TTC21B: variants seen among roughly 807,000 people sequenced by gnomAD.
TTC21B encodes tetratricopeptide repeat protein 21B.
Under a neutral mutation model 175.1 loss-of-function variants are expected in TTC21B, and 127 were observed. That is an observed-to-expected ratio of 0.73 (90% CI 0.63 to 0.84). TTC21B has a LOEUF of 0.84. TTC21B is among the 40% of genes least tolerant of loss of function. The pLI is 0.00. For missense variants in TTC21B, 1,561 were observed against 1,558.3 expected, an observed-to-expected ratio of 1.00 and a Z score of -0.03; for synonymous variants, 524 against 524.5, an observed-to-expected ratio of 1.00 and a Z score of 0.01.
intron 6 of TTC21B, among the ~76,000 whole-genome samples, chr2:165,934,320 G>T (rs1027292509): frequency 1.3e-5 from 2 of 151,490 alleles, no homozygotes; most frequent in South Asian, 4.2e-4. Context: ...AGAGAAACAC[G>T]GAGAACTCCG....
chr2:165,878,434 T>C (rs931886880), intron 27 of TTC21B, among the ~76,000 whole-genome samples: 4 of 152,146 alleles, frequency 2.6e-5, no homozygotes, highest in Admixed American at 1.3e-4. Context: ...GAAACATGAG[T>C]AGTTTCTTCT....
At chr2:165,917,007 G>A (rs1686198931) in intron 14 of TTC21B, among the ~76,000 whole-genome samples, 2 of 152,052 alleles carry the variant, frequency 1.3e-5, no homozygotes, top group Admixed American at 6.5e-5. Flanking sequence ...CTCCCGAGCA[G>A]CTGGAACTAC....
intron 4 of TTC21B, among the ~76,000 whole-genome samples, chr2:165,945,265 A>C (rs1008802530): frequency 6.8e-5 from 10 of 146,796 alleles, no homozygotes; most frequent in Non-Finnish European, 1.3e-4. Context: ...GTAGAGAAAA[A>C]GAAAGAGAAA....
intron 1 of TTC21B, among the ~76,000 whole-genome samples, chr2:165,950,350 T>C (rs1687723235): frequency 6.6e-6 from 1 of 152,234 alleles, no homozygotes; most frequent in Non-Finnish European, 1.5e-5. Flanking sequence ...ACAAAACTAC[T>C]ATCAGGACCT....
At chr2:165,931,992 A>C (rs1229801715) in intron 7 of TTC21B, 136 bp from the exon 8 acceptor site, 2 of 666,094 alleles carry the variant, frequency 3.0e-6, no homozygotes, top group African/African-American at 3.6e-5. Context: ...CTCCTCCTTC[A>C]ATGGATGATT....
chr2:165,877,719 ATATATG>A (rs1408495519), intron 27 of TTC21B, among the ~76,000 whole-genome samples: 2 of 152,148 alleles, frequency 1.3e-5, no homozygotes, highest in African/African-American at 4.8e-5. Flanking sequence ...GTGTGTGTAT[ATATATG>A]TATGTCTATA....
intron 8 of TTC21B, among the ~76,000 whole-genome samples, chr2:165,930,841 T>C (rs1686880637): frequency 6.6e-6 from 1 of 151,320 alleles, no homozygotes; most frequent in Non-Finnish European, 1.5e-5. Flanking sequence ...ACACTAGCTA[T>C]GCCATCAGTG....
chr2:165,922,566 C>CAAAAAAAAAAA (rs71031215), intron 12 of TTC21B, among the ~76,000 whole-genome samples: 1 of 97,430 alleles, frequency 1.0e-5, no homozygotes, highest in Non-Finnish European at 2.0e-5. Flanking sequence ...ATTAAAAAGT[C>CAAAAAAAAAAA]AAAAAAAAAA....
At chr2:165,927,093 GATATA>G (rs1686675105) in intron 11 of TTC21B, among the ~76,000 whole-genome samples, 1 of 8,944 alleles carries the variant, frequency 1.1e-4, no homozygotes, top group African/African-American at 7.7e-4. Context: ...TATCCTAGTA[GATATA>G]TATATATATA....
chr2:165,922,483 G>A (rs182577121), intron 12 of TTC21B, among the ~76,000 whole-genome samples: 9 of 146,916 alleles, frequency 6.1e-5, no homozygotes, highest in African/African-American at 1.3e-4. Context: ...AATGCTCAAC[G>A]TCACTGATCA....
chr2:165,887,229 G>C (rs749324925), intron 25 of TTC21B, among the ~76,000 whole-genome samples: 1 of 152,102 alleles, frequency 6.6e-6, no homozygotes, highest in Non-Finnish European at 1.5e-5. Flanking sequence ...GCAAAATTCT[G>C]TATGTTCTCT....
At chr2:165,881,155 T>G (rs4667851) in intron 26 of TTC21B, among the ~76,000 whole-genome samples, 83,513 of 151,894 alleles carry the variant, frequency 0.55, 23,356 homozygotes, top group Admixed American at 0.65. Flanking sequence ...TAATTATTTT[T>G]TGACTAATAC....
At chr2:165,891,407 G>T (rs1685187661) in intron 22 of TTC21B, among the ~76,000 whole-genome samples, 1 of 152,066 alleles carries the variant, frequency 6.6e-6, no homozygotes, top group African/African-American at 2.4e-5. Flanking sequence ...AAGGGTGTGG[G>T]AACAGTACAA....
intron 27 of TTC21B, among the ~76,000 whole-genome samples, chr2:165,876,780 G>C (rs1286769917): frequency 1.3e-5 from 2 of 152,222 alleles, no homozygotes; most frequent in African/African-American, 2.4e-5. Flanking sequence ...AGGGTATCAA[G>C]AGATGTCTGA....
chr2:165,877,191 C>T (rs998965446), intron 27 of TTC21B, among the ~76,000 whole-genome samples: 5 of 152,178 alleles, frequency 3.3e-5, no homozygotes, highest in African/African-American at 1.2e-4. Flanking sequence ...ATATCTCACT[C>T]TACCTCTTAA....
chr2:165,917,693 G>C (rs1686228105), intron 13 of TTC21B, among the ~76,000 whole-genome samples: 1 of 152,200 alleles, frequency 6.6e-6, no homozygotes, highest in South Asian at 2.1e-4. Flanking sequence ...CCTTTGAGAT[G>C]ACAAAGAGGT....
At chr2:165,916,721 C>T (rs1257037452) in intron 14 of TTC21B, among the ~76,000 whole-genome samples, 1 of 152,076 alleles carries the variant, frequency 6.6e-6, no homozygotes, top group African/African-American at 2.4e-5. Flanking sequence ...TTATTATGTT[C>T]CATTGTAGCC....
intron 22 of TTC21B, among the ~76,000 whole-genome samples, chr2:165,896,665 G>A (rs1685375592): frequency 6.6e-6 from 1 of 152,192 alleles, no homozygotes; most frequent in Non-Finnish European, 1.5e-5. Flanking sequence ...GCAGCAGCCA[G>A]ATAGACCTGT....
chr2:165,914,342 T>C (rs145193873), intron 15 of TTC21B, among the ~76,000 whole-genome samples: 3 of 152,250 alleles, frequency 2.0e-5, no homozygotes, highest in African/African-American at 4.8e-5. Context: ...CAAAAATAAA[T>C]CAACCCTATT....
Sources: gnomAD v4.1 joint callset for allele counts (sites outside exome capture counted in the v4.1 genomes callset) on GRCh38, gnomAD v4.1.1 for gene constraint, MANE v1.5 for transcripts, NCBI Gene and HGNC (gene_info 2026-07-23, HGNC 2026-07-21) for gene names.